SH3PXD2A: variants seen among roughly 807,000 people sequenced by gnomAD.
The protein encoded by SH3PXD2A is SH3 and PX domain-containing protein 2A.
In SH3PXD2A, 32 loss-of-function variants were observed where a neutral mutation model predicts 115.2. That is an observed-to-expected ratio of 0.28 (90% confidence interval 0.21 to 0.37). SH3PXD2A has a LOEUF of 0.37. SH3PXD2A is among the 10% of genes least tolerant of loss of function. The pLI, the probability that SH3PXD2A is intolerant of heterozygous loss-of-function variation, is 1.00. For synonymous variants in SH3PXD2A, 610 were observed against 629.1 expected (o/e 0.97, Z 0.45); for missense variants, 1,328 against 1,498.7 (o/e 0.89, Z 1.88).
At chr10:103,681,516 C>T (rs2037607271) in intron 6 of SH3PXD2A, among the ~76,000 whole-genome samples, 2 of 152,216 alleles carry the variant, frequency 1.3e-5, no homozygotes, top group Admixed American at 1.3e-4. Context: ...GCCTATAATC[C>T]CAGCACTCTG....
At chr10:103,669,206 G>A (rs1199052709) in intron 6 of SH3PXD2A, among the ~76,000 whole-genome samples, 1 of 152,138 alleles carries the variant, frequency 6.6e-6, no homozygotes, top group Non-Finnish European at 1.5e-5. Flanking sequence ...AAGACAGATC[G>A]GCCCCAGCAG....
chr10:103,812,838 C>T (rs1328230786), intron 1 of SH3PXD2A, among the ~76,000 whole-genome samples: 1 of 152,226 alleles, frequency 6.6e-6, no homozygotes, highest in Non-Finnish European at 1.5e-5. Context: ...TTGAGAGAGA[C>T]AAGAACAATC....
At chr10:103,839,622 C>T (rs1213900169) in intron 1 of SH3PXD2A, among the ~76,000 whole-genome samples, 1 of 150,708 alleles carries the variant, frequency 6.6e-6, no homozygotes, top group African/African-American at 2.4e-5. Context: ...CCCAAGGCCA[C>T]GCAGCCCCTC....
At chr10:103,625,566 T>C (rs1231420814) in intron 9 of SH3PXD2A, among the ~76,000 whole-genome samples, 15 of 152,232 alleles carry the variant, frequency 9.9e-5, no homozygotes, top group Non-Finnish European at 1.9e-4. Context: ...GAGCTCCTGC[T>C]GTTTTTGAGA....
At chr10:103,668,834 G>C (rs756383784) in intron 6 of SH3PXD2A, among the ~76,000 whole-genome samples, 182 bp from the exon 7 acceptor site, 2 of 152,262 alleles carry the variant, frequency 1.3e-5, no homozygotes, top group Non-Finnish European at 2.9e-5. Context: ...GCGTGGGCCC[G>C]TGTGATTACA....
Position 103,602,290 on chromosome 10 carries a change from C to T in SH3PXD2A, c.2928G>A (p.Ala976=), listed in dbSNP as rs148878459. The T allele has an allele frequency of 1.5e-5, 24 of 1,613,412 alleles. No individual in the cohort carries two copies. Among genetic ancestry groups the T allele is most frequent in the East Asian group, 4.5e-5 (2 of 44,882 alleles). Residue 976 remains alanine (A), a synonymous_variant, in exon 15 of 15, where the codon GCG becomes GCA. Coordinates refer to ENST00000369774, the MANE Select transcript of SH3PXD2A (RefSeq NM_001394015.1). ...ACACAAACACCGACTGGGGCCTGAC[C>T]GCCACCTGCCGCACTCCGTTCCTCA... ...VKMRNGVRQV[A]VRPQSVFVSP...
intron 5 of SH3PXD2A, among the ~76,000 whole-genome samples, chr10:103,705,499 T>C (rs2037970389): frequency 6.6e-6 from 1 of 152,242 alleles, no homozygotes; most frequent in African/African-American, 2.4e-5. Context: ...CAGCTCATTT[T>C]ATCCTCACTA....
At chr10:103,803,819 T>C (rs527720693) in intron 1 of SH3PXD2A, among the ~76,000 whole-genome samples, 18 of 152,344 alleles carry the variant, frequency 1.2e-4, no homozygotes, top group East Asian at 9.6e-4. Context: ...GAGGTCCTGA[T>C]GACATGTGCC....
At chr10:103,689,597 G>A (rs1016085153) in intron 6 of SH3PXD2A, among the ~76,000 whole-genome samples, 9 of 152,074 alleles carry the variant, frequency 5.9e-5, no homozygotes, top group South Asian at 2.1e-4. Context: ...CCCAGGAGGC[G>A]GAGGTTGCAG....
At chr10:103,766,302 G>A (rs1288264531) in intron 3 of SH3PXD2A, among the ~76,000 whole-genome samples, 1 of 152,220 alleles carries the variant, frequency 6.6e-6, no homozygotes, top group African/African-American at 2.4e-5. Context: ...TGTGAAGGGA[G>A]CTCTTCTGGG....
At chr10:103,664,721 C>T (rs961043895) in intron 7 of SH3PXD2A, among the ~76,000 whole-genome samples, 1 of 148,132 alleles carries the variant, frequency 6.8e-6, no homozygotes, top group Non-Finnish European at 1.5e-5. Flanking sequence ...GGTTGGAGTG[C>T]AGTGGCAAAA....
chr10:103,801,238 C>A (rs1420271027), intron 2 of SH3PXD2A, 44 bp downstream of exon 2: 1 of 1,217,030 alleles, frequency 8.2e-7, no homozygotes, highest in Admixed American at 1.7e-5. Context: ...GAGGCCAGCC[C>A]ACCAGAGAGA....
chr10:103,666,834 G>A lies in SH3PXD2A; in HGVS notation c.472+1774C>T, dbSNP rs1037680675. Among the ~76,000 whole-genome samples, 1 of 152,218 alleles carries A rather than the reference G, an allele frequency of 6.6e-6. No individual in the cohort carries two copies. The highest frequency in any genetic ancestry group is 1.5e-5 in the Non-Finnish European group (1 of 68,044). On this transcript the variant is annotated intron_variant, in intron 7 of 14. Coordinates refer to ENST00000369774, the MANE Select transcript of SH3PXD2A (RefSeq NM_001394015.1). The surrounding 1 kb of genome is among the most constrained non-coding windows in gnomAD (Gnocchi z 4.5). ...GAGCAGCAAAGCTGTTGGTTCCTTC[G>A]TGGGCTCACCAGCAGGCAGCTCGGT...
chr10:103,682,962 C>T lies in SH3PXD2A; in HGVS notation c.427+10066G>A, dbSNP rs11814203. 5.7e-3 allele frequency among the ~76,000 whole-genome samples: 862 copies of T among 152,220 alleles called. 8 individuals are homozygous for T. The highest frequency in any genetic ancestry group is 0.019 in the African/African-American group (797 of 41,526). ...CGCCTCGGAAATTGCTTTAAAAGGT[C>T]TTGCTTATGATACACTCTCCATGAC... On this transcript the variant is annotated intron_variant, in intron 6 of 14. Coordinates refer to ENST00000369774, the MANE Select transcript of SH3PXD2A (RefSeq NM_001394015.1).
intron 2 of SH3PXD2A, among the ~76,000 whole-genome samples, chr10:103,792,793 T>C (rs55696581): frequency 0.047 from 7,105 of 152,258 alleles, 205 homozygotes; most frequent in South Asian, 0.11. Context: ...AATATGTAGT[T>C]TGCAGATTTT....
chr10:103,683,684 C>CACA (rs1158129668), intron 6 of SH3PXD2A, among the ~76,000 whole-genome samples: 1 of 152,098 alleles, frequency 6.6e-6, no homozygotes, highest in African/African-American at 2.4e-5. Flanking sequence ...CAGAAAAACC[C>CACA]ACAACAACAA....
At chr10:103,639,608 T>TAAAAAAA (rs67918508) in intron 8 of SH3PXD2A, among the ~76,000 whole-genome samples, 1 of 85,838 alleles carries the variant, frequency 1.2e-5, no homozygotes, top group African/African-American at 4.6e-5. Context: ...GACTCCGTCT[T>TAAAAAAA]AAAAAAAAAA....
chr10:103,655,656 C>A (rs59745009), intron 8 of SH3PXD2A, among the ~76,000 whole-genome samples: 7,871 of 151,634 alleles, frequency 0.052, 646 homozygotes, highest in African/African-American at 0.18. Context: ...GCCTGTAATC[C>A]CAGTTACTCG....
chr10:103,855,012 G>T (rs1842927730), intron 1 of SH3PXD2A, among the ~76,000 whole-genome samples, 183 bp downstream of exon 1: 2 of 152,280 alleles, frequency 1.3e-5, no homozygotes, highest in South Asian at 4.1e-4. Context: ...GCGGGGGTGC[G>T]AAGGAGGAAG....
Sources: gnomAD v4.1 joint callset for allele counts (sites outside exome capture counted in the v4.1 genomes callset) on GRCh38, gnomAD v4.1.1 for gene constraint, Gnocchi (gnomAD v3.1) non-coding constraint, MANE v1.5 for transcripts, NCBI Gene and HGNC (gene_info 2026-07-23, HGNC 2026-07-21) for gene names.